Variants in PACS2 observed in about 807,000 individuals in gnomAD.
PACS2 encodes the protein PACS1-like protein.
In PACS2, 36 loss-of-function variants were observed where a neutral mutation model predicts 113.0. That is an observed-to-expected ratio of 0.32 (90% CI 0.24 to 0.42). The LOEUF is 0.42. Among genes scored for constraint, PACS2 ranks in the 10% least tolerant of loss-of-function variants. The pLI, the probability that PACS2 is intolerant of heterozygous loss-of-function variation, is 1.00. For synonymous variants in PACS2, 589 were observed against 536.1 expected, an observed-to-expected ratio of 1.10 and a Z score of -1.36; for missense variants, 1,015 against 1,239.5, an observed-to-expected ratio of 0.82 and a Z score of 2.72.
At position 105,324,234 on chromosome 14, in the gene PACS2, G is replaced by A. The variant is rs1368315921; in HGVS notation, c.119+9197G>A. ...GGGTCGGGGGGCTGCTGCAGAGAGC[G>A]GGTCTGCGGTCAGTCACAGTGACGG... On this transcript the variant is annotated intron_variant, in intron 1 of 24. Transcript: ENST00000447393. This position sits in a 1 kb window ranked among gnomAD's most constrained non-coding sequence, Gnocchi z 4.7. Among the ~76,000 whole-genome samples the A allele has an allele frequency of 1.3e-5, 2 of 152,186 alleles. No individual in the cohort carries two copies. Among genetic ancestry groups the A allele is most frequent in the Non-Finnish European group, 2.9e-5 (2 of 68,038 alleles).
chr14:105,314,970 A>G lies in PACS2; in HGVS notation c.52A>G (p.Thr18Ala), dbSNP rs1168591191. 10 of 1,222,496 alleles carry G rather than the reference A, an allele frequency of 8.2e-6. No individual in the cohort carries two copies. The highest frequency in any genetic ancestry group is 9.4e-6 in the Non-Finnish European group (9 of 959,398). The allele number at this position is 1,222,496 out of a possible 1,614,324, so 75.7% of individuals were successfully genotyped here. A position where few individuals can be genotyped will look rare whatever the true frequency, so the allele number is the denominator to read the frequency against. Residue 18 changes from threonine to alanine, a missense_variant, in exon 1 of 25, where the codon ACG (threonine) becomes GCG (alanine). Physicochemically the swap from Thr to Ala is moderately conservative, Grantham distance 58. Transcript: ENST00000447393. ...GLPGAPGALN[T>A]PVPMNLFATW... ...CCCCGGCGCGCCCGGCGCGCTCAAC[A>G]CGCCCGTGCCCATGAACCTGTTCGC...
At chr14:105,331,930 C>T (rs1301818344) in intron 1 of PACS2, among the ~76,000 whole-genome samples, 3 of 152,206 alleles carry the variant, frequency 2.0e-5, no homozygotes, top group Non-Finnish European at 2.9e-5. Flanking sequence ...TTTGTCTCCT[C>T]GGTACTTTGA....
At position 105,391,113 on chromosome 14, in the gene PACS2, G is replaced by A; in HGVS notation, c.2077-94G>A. 6 of 900,616 alleles carry A rather than the reference G, an allele frequency of 6.7e-6. No homozygotes were observed. In the South Asian group the frequency reaches 8.0e-5, roughly 12 times the overall value. The allele number at this position is 900,616 out of a possible 1,614,324, so 55.8% of individuals were successfully genotyped here. On this transcript the variant is annotated intron_variant, in intron 20 of 24. Transcript: ENST00000447393. ...CTGGCCGCTCCAGCATCATGGGAGT[G>A]GTGGCCACGGTGGGGAGGCGGGAGC...
Position 105,380,996 on chromosome 14 carries a change from G to A in PACS2, c.1165G>A (p.Asp389Asn). The A allele has an allele frequency of 1.2e-6, 2 of 1,612,520 alleles. No individual in the cohort carries two copies. The highest frequency in any genetic ancestry group is 1.7e-6 in the Non-Finnish European group (2 of 1,179,750). ...GPREHPGQPE[D>N]SPEAEASTLD... is the part of the protein sequence containing the mutation. ...GAGGGAGCACCCTGGACAGCCTGAG[G>A]ACAGCCCCGAGGCTGAGGCCTCCAC... Residue 389 changes from aspartate (D) to asparagine (N), a missense_variant, in exon 12 of 25, where the codon GAC becomes AAC. Physicochemically the swap from Asp to Asn is conservative, Grantham distance 23 (BLOSUM62 1). Transcript: ENST00000447393.
intron 3 of PACS2, among the ~76,000 whole-genome samples, chr14:105,353,560 T>G (rs971229592): frequency 1.1e-4 from 17 of 152,102 alleles, no homozygotes; most frequent in African/African-American, 3.6e-4. Context: ...AGATTTGTAT[T>G]TGTTTATTAG....
At chr14:105,320,982 A>G (rs749990527) in intron 1 of PACS2, among the ~76,000 whole-genome samples, 22 of 152,200 alleles carry the variant, frequency 1.4e-4, no homozygotes, top group East Asian at 5.8e-4. Context: ...GTGAAATCCC[A>G]TCTCTACTAA....
rs370179389 is a variant in PACS2, at chr14:105,391,315, C to T, written c.2119+66C>T. ...GGTGGGCTGCAGGAGCACGGTCATT[C>T]GAGTCCTGCAGACCAGATCAACCTT... On this transcript the variant is annotated intron_variant, in intron 21 of 24. Coordinates refer to ENST00000447393, the MANE Select transcript of PACS2 (RefSeq NM_001100913.3). The T allele has an allele frequency of 1.6e-3, 1,942 of 1,212,168 alleles. 12 individuals are homozygous for T. The Middle Eastern group carries it at 0.028, about 18-fold the overall frequency. The allele number at this position is 1,212,168 out of a possible 1,614,324, so 75.1% of individuals were successfully genotyped here. A position where few individuals can be genotyped will look rare whatever the true frequency, so the allele number is the denominator to read the frequency against.
At chr14:105,352,499 C>G (rs782091071) in intron 3 of PACS2, 32 bp downstream of exon 3, 1 of 1,365,186 alleles carries the variant, frequency 7.3e-7, no homozygotes. Context: ...ACGACACCCT[C>G]ATCACTGTCC....
Position 105,384,491 on chromosome 14 carries a change from C to T in PACS2, c.1891+28C>T, listed in dbSNP as rs200679917. ...GAGGCCCGGGCGCGTCCACAGCCCA[C>T]GCCACGGCGGGAGGAAGGGGCCCCG... On this transcript the variant is annotated intron_variant, in intron 17 of 24. Coordinates refer to ENST00000447393, the MANE Select transcript of PACS2 (RefSeq NM_001100913.3). The T allele has an allele frequency of 8.0e-4, 1,184 of 1,485,798 alleles. 7 individuals carry two copies. Among genetic ancestry groups the T allele is most frequent in the East Asian group, 5.3e-3 (233 of 43,650 alleles). 92.0% of individuals were successfully genotyped at this position (1,485,798 alleles called of 1,614,324 possible). A position where few individuals can be genotyped will look rare whatever the true frequency, so the allele number is the denominator to read the frequency against.
rs587765861 is a variant in PACS2, at chr14:105,357,395, C to T, written c.423+2218C>T. 2.6e-5 allele frequency among the ~76,000 whole-genome samples: 4 copies of T among 152,194 alleles called. No homozygotes were observed. The South Asian group carries it at 8.3e-4, about 32-fold the overall frequency. ...CCTGCCCCTGAGCCTGTGGCCCCCA[C>T]CCCAAGGCTCCCTCGCCCTGCACCT... On this transcript the variant is annotated intron_variant, in intron 4 of 24. Coordinates refer to ENST00000447393, the MANE Select transcript of PACS2 (RefSeq NM_001100913.3). This position sits in a 1 kb window ranked among gnomAD's most constrained non-coding sequence, Gnocchi z 5.1.
chr14:105,359,579 A>ATTTC (rs1555405984), intron 4 of PACS2, among the ~76,000 whole-genome samples: 5 of 114,244 alleles, frequency 4.4e-5, no homozygotes, highest in African/African-American at 1.0e-4. Context: ...AAGTGTTGGT[A>ATTTC]TTTCTTTCTT....
rs1031269966 is a variant in PACS2, at chr14:105,315,551, G to A, written c.119+514G>A. The A allele has an allele frequency of 6.6e-6, 1 of 152,302 alleles. No homozygotes were observed. The highest frequency in any genetic ancestry group is 1.5e-5 in the Non-Finnish European group (1 of 68,098). 9.4% of individuals were successfully genotyped at this position (152,302 alleles called of 1,614,324 possible). On this transcript the variant is annotated intron_variant, in intron 1 of 24. Coordinates refer to ENST00000447393, the MANE Select transcript of PACS2 (RefSeq NM_001100913.3). This position sits in a 1 kb window ranked among gnomAD's most constrained non-coding sequence, Gnocchi z 4.4. ...CTGCGGGGCGGGGTCGTCCTCGCGG[G>A]TACCTGGTTGGCGCTGTCTCTCATT...
rs367576546 is a variant in PACS2, at chr14:105,358,209, G to A, written c.423+3032G>A. On this transcript the variant is annotated intron_variant, in intron 4 of 24. Transcript: ENST00000447393. This position sits in a 1 kb window ranked among gnomAD's most constrained non-coding sequence, Gnocchi z 4.9. ...GGAAGTGGAGTCCAAGGTGGCCCAG[G>A]GTAGGGGCCGGGCCTCATGGGTGCC... 9.5e-4 allele frequency among the ~76,000 whole-genome samples: 145 copies of A among 152,340 alleles called. 5 individuals are homozygous for A. The South Asian group carries it at 0.019, about 20-fold the overall frequency.
Position 105,376,153 on chromosome 14 carries a change from T to G in PACS2, c.802-615T>G, listed in dbSNP as rs2061345776. On this transcript the variant is annotated intron_variant, in intron 8 of 24. Coordinates refer to ENST00000447393, the MANE Select transcript of PACS2 (RefSeq NM_001100913.3). The surrounding 1 kb of genome is among the most constrained non-coding windows in gnomAD (Gnocchi z 4.7). ...AAACCACCCCCAGGATCCAGTTACCTCCACTTGTCCTGCCCTTGGCACGTG... is the reference window on the plus strand; with the variant it reads ...AAACCACCCCCAGGATCCAGTTACCGCCACTTGTCCTGCCCTTGGCACGTG... 6.6e-6 allele frequency among the ~76,000 whole-genome samples: 1 copy of G among 152,038 alleles called. No individual in the cohort carries two copies. Among genetic ancestry groups the G allele is most frequent in the East Asian group, 1.9e-4 (1 of 5,178 alleles).
Position 105,329,350 on chromosome 14 carries a change from C to T in PACS2, c.119+14313C>T, listed in dbSNP as rs1157346619. Reference sequence around the variant, plus strand: ...CCAACTTGGCACTTCAAGATTTGCTCCCTGGCAACTGTTGCCTTTCCCAGA... The same window carrying T: ...CCAACTTGGCACTTCAAGATTTGCTTCCTGGCAACTGTTGCCTTTCCCAGA... On this transcript the variant is annotated intron_variant, in intron 1 of 24. Transcript: ENST00000447393. This position sits in a 1 kb window ranked among gnomAD's most constrained non-coding sequence, Gnocchi z 6.4. 6.6e-6 allele frequency among the ~76,000 whole-genome samples: 1 copy of T among 152,212 alleles called. No individual in the cohort carries two copies. The highest frequency in any genetic ancestry group is 2.4e-5 in the African/African-American group (1 of 41,452).
chr14:105,348,861 G>A lies in PACS2; in HGVS notation c.207+281G>A, dbSNP rs1446949079. ...CTCGAGTCACCTCACAGTGATGGAC[G>A]GGCCCCAAGCACCTGGAGCCAGGGC... On this transcript the variant is annotated intron_variant, in intron 2 of 24. Transcript: ENST00000447393. This position sits in a 1 kb window ranked among gnomAD's most constrained non-coding sequence, Gnocchi z 6.4. 2 of 378,328 alleles carry A rather than the reference G, an allele frequency of 5.3e-6. No individual in the cohort carries two copies. The highest frequency in any genetic ancestry group is 2.1e-5 in the African/African-American group (1 of 46,900). 23.4% of individuals were successfully genotyped at this position (378,328 alleles called of 1,614,324 possible).
chr14:105,343,839 G>C (rs984867476), intron 1 of PACS2, among the ~76,000 whole-genome samples: 1 of 151,738 alleles, frequency 6.6e-6, no homozygotes, highest in Non-Finnish European at 1.5e-5. Context: ...GGGACTACAG[G>C]CTTTTCTCAC....
chr14:105,343,024 A>G (rs587635812), intron 1 of PACS2, among the ~76,000 whole-genome samples: 1 of 151,622 alleles, frequency 6.6e-6, no homozygotes, highest in East Asian at 1.9e-4. Context: ...AACATCCACC[A>G]TACAACCAGG....
Position 105,324,117 on chromosome 14 carries a change from A to C in PACS2, c.119+9080A>C, listed in dbSNP as rs1466438277. ...AAGGATGCTTTCCTTGGATCTGGGC[A>C]CTAGAACCAGCCCTTTCCCTCTCTC... is the stretch of plus-strand genomic sequence containing the variant. On this transcript the variant is annotated intron_variant, in intron 1 of 24. Transcript: ENST00000447393. The surrounding 1 kb of genome is among the most constrained non-coding windows in gnomAD (Gnocchi z 4.7). Among the ~76,000 whole-genome samples, 1 of 152,182 alleles carries C rather than the reference A, an allele frequency of 6.6e-6. No homozygotes were observed.
Sources: allele counts gnomAD v4.1 joint callset (sites outside exome capture counted in the v4.1 genomes callset), GRCh38; gene constraint gnomAD v4.1.1; non-coding constraint Gnocchi (gnomAD v3.1); transcripts MANE v1.5; gene names NCBI Gene and HGNC (gene_info 2026-07-23, HGNC 2026-07-21).